OGFOD3: variants seen among roughly 807,000 people sequenced by gnomAD.
OGFOD3 encodes the protein 2-oxoglutarate and iron dependent oxygenase domain containing 3, also known as 2-oxoglutarate and iron-dependent oxygenase domain-containing protein 3.
Under a neutral mutation model 39.8 loss-of-function variants are expected in OGFOD3, and 35 were observed. The observed-to-expected ratio is 0.88, with a 90% CI of 0.67 to 1.17. The LOEUF is 1.17. OGFOD3 is among the 50% of genes most tolerant of loss of function. OGFOD3 has a pLI of 0.00. For missense variants in OGFOD3, 438 were observed against 454.5 expected (o/e 0.96, Z 0.33); for synonymous variants, 200 against 192.0 (o/e 1.04, Z -0.34).
chr17:82,404,741 C>CTTTT lies in OGFOD3; in HGVS notation c.545+579_545+582dup, dbSNP rs869251737. 3.8e-5 allele frequency among the ~76,000 whole-genome samples: 5 copies of CTTTT among 133,178 alleles called. No individual in the cohort carries two copies. Among genetic ancestry groups the CTTTT allele is most frequent in the African/African-American group, 5.7e-5 (2 of 35,398 alleles). 87.4% of individuals were successfully genotyped at this position (133,178 alleles called of 152,430 possible). A position where few individuals can be genotyped will look rare whatever the true frequency, so the allele number is the denominator to read the frequency against. On this transcript the variant is annotated intron_variant, in intron 6 of 8. Coordinates refer to ENST00000313056, the MANE Select transcript of OGFOD3 (RefSeq NM_024648.3). This position sits in a 1 kb window ranked among gnomAD's most constrained non-coding sequence, Gnocchi z 4.5. ...CCAGCAGAATTTTTTCTTTTCTTTTCTTTTTTTTTTTTTTTTTTGAGATGA... is the reference window on the plus strand; with the variant it reads ...CCAGCAGAATTTTTTCTTTTCTTTTCTTTTTTTTTTTTTTTTTTTTTTGAGATGA...
At chr17:82,410,976 T>TC (rs2052932933) in intron 3 of OGFOD3, among the ~76,000 whole-genome samples, 1 of 151,442 alleles carries the variant, frequency 6.6e-6, no homozygotes, top group Non-Finnish European at 1.5e-5. Flanking sequence ...CGCCTTGGCC[T>TC]CCCCAAGTGC....
At chr17:82,397,140 T>C (rs566288212) in intron 8 of OGFOD3, among the ~76,000 whole-genome samples, 2 of 151,988 alleles carry the variant, frequency 1.3e-5, no homozygotes, top group Admixed American at 1.3e-4. Context: ...TAAACTAACC[T>C]GAGAAAGGCA....
chr17:82,405,877 G>A (rs2052847049), intron 5 of OGFOD3, among the ~76,000 whole-genome samples: 1 of 152,166 alleles, frequency 6.6e-6, no homozygotes, highest in Non-Finnish European at 1.5e-5. Context: ...TTGAACCCAG[G>A]AGGCAGAGTC....
rs1298930367 is a variant in OGFOD3 at position 82,398,128 on chromosome 17, G to A, written c.823+68C>T. 33 of 1,589,128 alleles carry A rather than the reference G, an allele frequency of 2.1e-5. No individual in the cohort carries two copies. In the Admixed American group the frequency reaches 3.0e-4, roughly 15 times the overall value. On this transcript the variant is annotated intron_variant, in intron 8 of 8. Transcript: ENST00000313056. ...AACTCAGCCTCGCTCCCAGGGACAC[G>A]CCCCCCACACCCACCGTGCTTGCCT... is the stretch of plus-strand genomic sequence containing the variant.
At chr17:82,413,625 C>T (rs934019717) in intron 2 of OGFOD3, among the ~76,000 whole-genome samples, 8 of 152,184 alleles carry the variant, frequency 5.3e-5, no homozygotes, top group Non-Finnish European at 8.8e-5. Flanking sequence ...ACCCCAGGGC[C>T]TTAGGAGGCC....
At chr17:82,409,245 C>T in intron 4 of OGFOD3, 123 bp downstream of exon 4, 1 of 929,668 alleles carries the variant, frequency 1.1e-6, no homozygotes. Context: ...AACACCACGG[C>T]AGGCCCCACC....
At chr17:82,405,526 G>A (rs1452290536) in intron 5 of OGFOD3, 146 bp from the exon 6 acceptor site, 3 of 731,134 alleles carry the variant, frequency 4.1e-6, no homozygotes, top group Non-Finnish European at 7.1e-6. Flanking sequence ...CTGCTATAAA[G>A]GAGCCGGGCC....
chr17:82,411,999 G>T (rs9303028), intron 2 of OGFOD3, among the ~76,000 whole-genome samples: 1,933 of 66,874 alleles, frequency 0.029, 22 homozygotes, highest in East Asian at 0.2. Flanking sequence ...GAGACCACCA[G>T]AGCAGAAAAC....
In OGFOD3 at chr17:82,398,224, AC is replaced by A; in HGVS notation, c.794del (p.Gly265ValfsTer95). The A allele has an allele frequency of 6.2e-7, 1 of 1,613,786 alleles. No homozygotes were observed. The highest frequency in any genetic ancestry group is 8.5e-7 in the Non-Finnish European group (1 of 1,179,944). On this transcript the variant is annotated frameshift_variant, in exon 8 of 9. Transcript: ENST00000313056. LOFTEE classifies it high-confidence loss of function. ...CTCTCGGCTCCACCGTCTTGTTGGC[AC>A]CCTCCTCCATGAACATGAACCGCCC... ...GGGRFMFMEE[G>X]ANKTVEPRAG...
At chr17:82,394,281 C>T (rs141814084) in intron 8 of OGFOD3, 33,835 of 1,466,388 alleles carry the variant, frequency 0.023, 500 homozygotes, top group Non-Finnish European at 0.028. Flanking sequence ...TGAGCCACCA[C>T]GCCCGGCCTA....
At chr17:82,400,532 C>A (rs950639554) in intron 7 of OGFOD3, among the ~76,000 whole-genome samples, 2 of 152,112 alleles carry the variant, frequency 1.3e-5, no homozygotes, top group Non-Finnish European at 1.5e-5. Context: ...TGACAGAATG[C>A]GGTATTCTTA....
chr17:82,418,566 G>T lies in OGFOD3; in HGVS notation c.-81C>A. Reference sequence around the variant, plus strand: ...CGCCGTAACAGGGAGCGCGAGGCAGGCACGGCGCAGGGACGCGAGTGCGAC... The same window carrying T: ...CGCCGTAACAGGGAGCGCGAGGCAGTCACGGCGCAGGGACGCGAGTGCGAC... On this transcript the variant is annotated 5_prime_UTR_variant, in exon 1 of 9. Coordinates refer to ENST00000313056, the MANE Select transcript of OGFOD3 (RefSeq NM_024648.3). 1.3e-6 allele frequency: 1 copy of T among 744,868 alleles called. No homozygotes were observed. The allele number at this position is 744,868 out of a possible 1,614,324, so 46.1% of individuals were successfully genotyped here.
chr17:82,415,613 C>T lies in OGFOD3; in HGVS notation c.89G>A (p.Arg30Gln), dbSNP rs750689701. The T allele has an allele frequency of 1.2e-5, 19 of 1,611,714 alleles. No individual in the cohort carries two copies. Among genetic ancestry groups the T allele is most frequent in the East Asian group, 8.9e-5 (4 of 44,810 alleles). Residue 30 changes from arginine (R) to glutamine (Q), a missense_variant, in exon 2 of 9, where the codon CGA becomes CAA. Transcript: ENST00000313056. The surrounding 1 kb of genome is among the most constrained non-coding windows in gnomAD (Gnocchi z 5.3). ...CAGCCTCTGCACCTCCCGCGGGGCT[C>T]GGTCCTTCTTGGTGCTGAGAACAGA... is the stretch of plus-strand genomic sequence containing the variant. Reference protein sequence around the residue: ...RRNRSSTKKDRAPREVQRLWQ... With the variant: ...RRNRSSTKKDQAPREVQRLWQ...
In OGFOD3 at chr17:82,403,002, G is replaced by A. The variant is rs1206357321; in HGVS notation, c.699+935C>T. On this transcript the variant is annotated intron_variant, in intron 7 of 8. Coordinates refer to ENST00000313056, the MANE Select transcript of OGFOD3 (RefSeq NM_024648.3). ...TTGAGCCTGGGAGGTCAAAGTTGCA[G>A]TAAGCCATGACTGCACACCTGCACT... Among the ~76,000 whole-genome samples, 3 of 152,196 alleles carry A rather than the reference G, an allele frequency of 2.0e-5. No individual in the cohort carries two copies. In the East Asian group the frequency reaches 5.8e-4, roughly 29 times the overall value.
intron 3 of OGFOD3, among the ~76,000 whole-genome samples, chr17:82,409,667 C>T (rs150092920): frequency 2.0e-4 from 30 of 152,278 alleles, no homozygotes; most frequent in African/African-American, 7.2e-4. Flanking sequence ...GAGGCCAAGG[C>T]GGGTGGATCA....
rs1171462416 is a variant in OGFOD3 at position 82,404,261 on chromosome 17, G to C, written c.546-171C>G. On this transcript the variant is annotated intron_variant, in intron 6 of 8. Coordinates refer to ENST00000313056, the MANE Select transcript of OGFOD3 (RefSeq NM_024648.3). This position sits in a 1 kb window ranked among gnomAD's most constrained non-coding sequence, Gnocchi z 4.5. ...TACCGGCTCCGCCTGGGAACGACGC[G>C]GCCCACAGCCCACGCACAGAGCAGC... Among the ~76,000 whole-genome samples, 1 of 152,204 alleles carries C rather than the reference G, an allele frequency of 6.6e-6. No homozygotes were observed. Among genetic ancestry groups the C allele is most frequent in the African/African-American group, 2.4e-5 (1 of 41,450 alleles).
intron 2 of OGFOD3, among the ~76,000 whole-genome samples, chr17:82,412,661 G>A (rs2052969649): frequency 6.6e-6 from 1 of 152,162 alleles, no homozygotes; most frequent in African/African-American, 2.4e-5. Context: ...AGGCAGCATC[G>A]CACAGATGCA....
Position 82,403,966 on chromosome 17 carries a change from C to CCG in OGFOD3, c.669_670insCG (p.Asp224ArgfsTer12). ...TCCACGTGCGCATGCCAGTACTCGTCGTGCGCCGTCCGCGCTTCCGTGCTG... is the reference window on the plus strand; with the variant it reads ...TCCACGTGCGCATGCCAGTACTCGTCCGGTGCGCCGTCCGCGCTTCCGTGCTG... On this transcript the variant is annotated frameshift_variant, in exon 7 of 9. Coordinates refer to ENST00000313056, the MANE Select transcript of OGFOD3 (RefSeq NM_024648.3). LOFTEE classifies it high-confidence loss of function. 6.2e-7 allele frequency: 1 copy of CCG among 1,608,118 alleles called. No individual in the cohort carries two copies. The highest frequency in any genetic ancestry group is 1.3e-5 in the African/African-American group (1 of 75,012).
chr17:82,402,886 T>G (rs1252701598), intron 7 of OGFOD3, among the ~76,000 whole-genome samples: 1 of 152,102 alleles, frequency 6.6e-6, no homozygotes, highest in Non-Finnish European at 1.5e-5. Context: ...AAACCCTGTG[T>G]CTACAAAAAT....
Sources: gnomAD v4.1 joint callset for allele counts (sites outside exome capture counted in the v4.1 genomes callset) on GRCh38, gnomAD v4.1.1 for gene constraint, Gnocchi (gnomAD v3.1) non-coding constraint, MANE v1.5 for transcripts, NCBI Gene and HGNC (gene_info 2026-07-23, HGNC 2026-07-21) for gene names.